Variants in GPATCH2 observed in about 807,000 individuals in gnomAD.
The protein encoded by GPATCH2 is G patch domain-containing protein 2.
In GPATCH2, 51 loss-of-function variants were observed where a neutral mutation model predicts 58.0. The ratio of observed to expected loss-of-function variants is 0.88; its 90% confidence interval spans 0.70 to 1.11. GPATCH2 has a LOEUF of 1.11. Ranked by LOEUF, GPATCH2 falls within the 50% of genes most tolerant of loss-of-function variation. GPATCH2 has a pLI of 0.00. For synonymous variants in GPATCH2, 222 were observed against 218.5 expected, an observed-to-expected ratio of 1.02 and a Z score of -0.14; for missense variants, 625 against 652.2, an observed-to-expected ratio of 0.96 and a Z score of 0.45.
intron 9 of GPATCH2, among the ~76,000 whole-genome samples, chr1:217,448,194 T>C (rs1474259711): frequency 6.6e-6 from 1 of 152,026 alleles, no homozygotes; most frequent in East Asian, 1.9e-4. Flanking sequence ...ACCATGCATA[T>C]ACTTACATAT....
intron 5 of GPATCH2, among the ~76,000 whole-genome samples, chr1:217,526,947 T>C (rs1663935672): frequency 6.6e-6 from 1 of 152,236 alleles, no homozygotes; most frequent in Admixed American, 6.5e-5. Context: ...GAGAATCTAA[T>C]GCCTGATGAT....
intron 7 of GPATCH2, among the ~76,000 whole-genome samples, chr1:217,494,767 A>G (rs1661926582): frequency 6.6e-6 from 1 of 151,900 alleles, no homozygotes; most frequent in African/African-American, 2.4e-5. Flanking sequence ...GACTCCCAAC[A>G]TATTTTTTTT....
intron 6 of GPATCH2, among the ~76,000 whole-genome samples, chr1:217,506,396 A>T (rs1225489745): frequency 1.3e-5 from 2 of 152,224 alleles, no homozygotes; most frequent in African/African-American, 2.4e-5. Context: ...GTAGAAATAT[A>T]TGCCAAACTC....
chr1:217,507,593 T>C (rs575017048), intron 6 of GPATCH2, among the ~76,000 whole-genome samples: 5 of 152,300 alleles, frequency 3.3e-5, no homozygotes, highest in African/African-American at 1.2e-4. Context: ...ACAACACTAA[T>C]AAATTGGCAG....
intron 5 of GPATCH2, among the ~76,000 whole-genome samples, chr1:217,528,842 G>A (rs1664053146): frequency 6.6e-6 from 1 of 152,214 alleles, no homozygotes; most frequent in Admixed American, 6.5e-5. Context: ...GGACCAGGGT[G>A]AGGACTGTCT....
At chr1:217,597,098 G>A (rs1042787640) in intron 5 of GPATCH2, among the ~76,000 whole-genome samples, 1 of 152,044 alleles carries the variant, frequency 6.6e-6, no homozygotes, top group Non-Finnish European at 1.5e-5. Flanking sequence ...GCTAAGGCGG[G>A]AGGATCACTT....
intron 5 of GPATCH2, among the ~76,000 whole-genome samples, chr1:217,580,130 C>T (rs1031823841): frequency 2.0e-5 from 3 of 152,110 alleles, no homozygotes; most frequent in Middle Eastern, 3.2e-3. Context: ...AAAAGTGAGA[C>T]TTCAACAGAC....
chr1:217,436,017 T>C (rs548661563), intron 9 of GPATCH2, among the ~76,000 whole-genome samples: 2 of 152,182 alleles, frequency 1.3e-5, no homozygotes, highest in African/African-American at 4.8e-5. Flanking sequence ...AGAAATTTAA[T>C]GTAAAACTAG....
At chr1:217,608,497 A>T (rs999071375) in intron 5 of GPATCH2, 2 of 984,776 alleles carry the variant, frequency 2.0e-6, no homozygotes, top group Non-Finnish European at 2.4e-6. Context: ...CTAGCCTATC[A>T]GTTGTAATAG....
In GPATCH2 at chr1:217,528,288, T is replaced by C. The variant is rs144547701; in HGVS notation, c.1099-13399A>G. Among the ~76,000 whole-genome samples the C allele has an allele frequency of 6.8e-3, 1,030 of 152,308 alleles. 9 individuals are homozygous for C. Among genetic ancestry groups the C allele is most frequent in the African/African-American group, 0.023 (961 of 41,554 alleles). On this transcript the variant is annotated intron_variant, in intron 5 of 9. Coordinates refer to ENST00000366935, the MANE Select transcript of GPATCH2 (RefSeq NM_018040.5). ...TGACATCATCAGACTCTGTTAAGGG[T>C]AGCCAAGTAAAAATAACTAAAAAGA...
chr1:217,506,972 T>C (rs565189323), intron 6 of GPATCH2, among the ~76,000 whole-genome samples: 14 of 152,346 alleles, frequency 9.2e-5, no homozygotes, highest in African/African-American at 3.4e-4. Context: ...AATAATGCAT[T>C]TATGTGTCAG....
At chr1:217,596,949 CT>C (rs1667860878) in intron 5 of GPATCH2, among the ~76,000 whole-genome samples, 1 of 152,034 alleles carries the variant, frequency 6.6e-6, no homozygotes, top group Admixed American at 6.6e-5. Flanking sequence ...TTTCAGCTTC[CT>C]CCCAAAGCCC....
chr1:217,614,046 G>T (rs1371285571), intron 3 of GPATCH2, 95 bp downstream of exon 3: 1 of 763,930 alleles, frequency 1.3e-6, no homozygotes, highest in Non-Finnish European at 2.4e-6. Context: ...AAGGTAAATG[G>T]ATTGCAGTCA....
chr1:217,511,054 G>A (rs527721599), intron 6 of GPATCH2, among the ~76,000 whole-genome samples: 2 of 152,054 alleles, frequency 1.3e-5, no homozygotes, highest in Non-Finnish European at 2.9e-5. Flanking sequence ...CTGAGATCAC[G>A]CCACTGCACT....
chr1:217,470,604 T>C (rs554613535), intron 8 of GPATCH2, among the ~76,000 whole-genome samples: 1 of 152,300 alleles, frequency 6.6e-6, no homozygotes, highest in Non-Finnish European at 1.5e-5. Context: ...TTTAAAATCT[T>C]GGCAAGGAAG....
chr1:217,550,730 A>G (rs1053534227), intron 5 of GPATCH2, among the ~76,000 whole-genome samples: 5 of 151,922 alleles, frequency 3.3e-5, no homozygotes, highest in African/African-American at 1.2e-4. Context: ...TTTTAAACAC[A>G]TGATTTTAAA....
intron 8 of GPATCH2, among the ~76,000 whole-genome samples, chr1:217,454,660 C>G (rs142817794): frequency 0.016 from 2,367 of 150,766 alleles, 71 homozygotes; most frequent in African/African-American, 0.054. Context: ...TCACTGTACC[C>G]CAGTTTGGAG....
chr1:217,619,697 T>A (rs1374775251), intron 2 of GPATCH2, 86 bp downstream of exon 2: 2 of 486,826 alleles, frequency 4.1e-6, no homozygotes, highest in Non-Finnish European at 7.0e-6. Flanking sequence ...TATAATTATT[T>A]TAAAATAGAA....
At chr1:217,554,813 C>T (rs1221292245) in intron 5 of GPATCH2, among the ~76,000 whole-genome samples, 1 of 151,952 alleles carries the variant, frequency 6.6e-6, no homozygotes, top group Admixed American at 6.6e-5. Flanking sequence ...AATAAAAAAC[C>T]CCATTCTTTA....
Sources: allele counts gnomAD v4.1 joint callset (sites outside exome capture counted in the v4.1 genomes callset), GRCh38; gene constraint gnomAD v4.1.1; transcripts MANE v1.5; gene names NCBI Gene and HGNC (gene_info 2026-07-23, HGNC 2026-07-21).